FGF14: variants seen among roughly 807,000 people sequenced by gnomAD.
FGF14 encodes the protein fibroblast growth factor homologous factor 4.
In FGF14, 5 loss-of-function variants were observed where a neutral mutation model predicts 25.5. The observed-to-expected ratio is 0.20, with a 90% CI of 0.10 to 0.41. The LOEUF (loss-of-function observed/expected upper bound fraction) is 0.41, where lower values mean the gene tolerates loss of function less well. FGF14 is among the 10% of genes least tolerant of loss of function. FGF14 has a pLI of 1.00. For synonymous variants in FGF14, 138 were observed against 118.3 expected, an observed-to-expected ratio of 1.17 and a Z score of -1.08; for missense variants, 222 against 320.1, an observed-to-expected ratio of 0.69 and a Z score of 2.34.
intron 1 of FGF14, among the ~76,000 whole-genome samples, chr13:102,154,802 A>T (rs2047249528): frequency 6.6e-6 from 1 of 152,164 alleles, no homozygotes; most frequent in Non-Finnish European, 1.5e-5. Flanking sequence ...TAGGCTCAAA[A>T]TAAAGGGATG....
chr13:101,749,142 C>T (rs2037098564), intron 3 of FGF14, among the ~76,000 whole-genome samples: 2 of 151,920 alleles, frequency 1.3e-5, no homozygotes, highest in Admixed American at 1.3e-4. Context: ...ATTGCGGTTG[C>T]CGGTGGCTAG....
intron 1 of FGF14, among the ~76,000 whole-genome samples, chr13:101,904,480 T>TTATTGCTAAAAAATGGA (rs2031988941): frequency 6.6e-6 from 1 of 152,176 alleles, no homozygotes; most frequent in Non-Finnish European, 1.5e-5. Context: ...ATGACACCAG[T>TTATTGCTAAAAAATGGA]TATTGCTAAA....
intron 1 of FGF14, among the ~76,000 whole-genome samples, chr13:102,227,300 C>T (rs2050868176): frequency 6.6e-6 from 1 of 152,074 alleles, no homozygotes; most frequent in Non-Finnish European, 1.5e-5. Context: ...TATCCACCTG[C>T]CAAGGGAGAT....
chr13:102,200,945 A>G lies in FGF14; in HGVS notation c.208+200526T>C, dbSNP rs543992899. On this transcript the variant is annotated intron_variant, in intron 1 of 4. Transcript: ENST00000376131. ...GTGAAACCCCGTCTCTACTAAAAACACAAAAAATTAGCCAGGCGTGGTGGG... is the reference window on the plus strand; with the variant it reads ...GTGAAACCCCGTCTCTACTAAAAACGCAAAAAATTAGCCAGGCGTGGTGGG... 2.3e-3 allele frequency among the ~76,000 whole-genome samples: 343 copies of G among 151,928 alleles called. 1 individual carries two copies. Among genetic ancestry groups the G allele is most frequent in the Non-Finnish European group, 3.9e-3 (266 of 67,932 alleles).
intron 3 of FGF14, among the ~76,000 whole-genome samples, chr13:101,806,159 C>T (rs955722062): frequency 5.9e-5 from 9 of 151,868 alleles, no homozygotes; most frequent in African/African-American, 2.2e-4. Context: ...CAGTGGCTCA[C>T]TCCTGTAATC....
At chr13:101,801,956 C>A in intron 3 of FGF14, 1 of 473,396 alleles carries the variant, frequency 2.1e-6, no homozygotes, top group African/African-American at 2.0e-5. Flanking sequence ...CAGAGAAGAA[C>A]ATAAAAAGAA....
chr13:102,000,919 T>G (rs1421561668), intron 1 of FGF14, among the ~76,000 whole-genome samples: 1 of 152,176 alleles, frequency 6.6e-6, no homozygotes. Flanking sequence ...GTCATTTATT[T>G]ACTGAGGACA....
chr13:101,810,776 AT>A (rs1243147860), intron 3 of FGF14, among the ~76,000 whole-genome samples: 1 of 152,182 alleles, frequency 6.6e-6, no homozygotes. Context: ...TTTCCAAAAT[AT>A]TCTGCTTTTT....
At chr13:101,984,231 T>C (rs1345675513) in intron 1 of FGF14, among the ~76,000 whole-genome samples, 1 of 152,176 alleles carries the variant, frequency 6.6e-6, no homozygotes, top group Non-Finnish European at 1.5e-5. Context: ...ATTGGCATTG[T>C]GATGCTTTTT....
chr13:101,767,415 C>T (rs918040928), intron 3 of FGF14, among the ~76,000 whole-genome samples: 2 of 151,850 alleles, frequency 1.3e-5, no homozygotes, highest in Non-Finnish European at 1.5e-5. Flanking sequence ...TGAAAGCTAC[C>T]GATATAGAGC....
chr13:102,209,787 G>T (rs184207470), intron 1 of FGF14, among the ~76,000 whole-genome samples: 5 of 152,156 alleles, frequency 3.3e-5, no homozygotes, highest in Non-Finnish European at 7.4e-5. Context: ...ATAGATTAAG[G>T]GTTCCTAGCC....
chr13:102,176,957 C>T (rs1219913436), intron 1 of FGF14, among the ~76,000 whole-genome samples: 1 of 152,108 alleles, frequency 6.6e-6, no homozygotes, highest in Non-Finnish European at 1.5e-5. Context: ...TAGATCAGTG[C>T]TTACCATATG....
intron 1 of FGF14, among the ~76,000 whole-genome samples, chr13:102,321,516 A>G (rs189930102): frequency 6.6e-6 from 1 of 152,292 alleles, no homozygotes; most frequent in African/African-American, 2.4e-5. Flanking sequence ...TAAATTGCTA[A>G]TTATTGGAAA....
rs527911089 is a variant in FGF14, at chr13:102,028,597, C to T, written c.209-153301G>A. Among the ~76,000 whole-genome samples, 165 of 152,136 alleles carry T rather than the reference C, an allele frequency of 1.1e-3. 2 individuals carry two copies. Among genetic ancestry groups the T allele is most frequent in the African/African-American group, 3.7e-3 (154 of 41,544 alleles). The stretch of plus-strand genomic sequence containing the variant: ...TATCAGATGCTTACACTTCTATAGA[C>T]ATTTATTAAGTGCTTCTAGGCACTT... On this transcript the variant is annotated intron_variant, in intron 1 of 4. Transcript: ENST00000376131.
intron 3 of FGF14, among the ~76,000 whole-genome samples, chr13:101,841,818 C>T (rs2043210300): frequency 6.6e-6 from 1 of 151,856 alleles, no homozygotes; most frequent in African/African-American, 2.4e-5. Flanking sequence ...ATCTGTGTCC[C>T]TGAATTACAA....
intron 3 of FGF14, among the ~76,000 whole-genome samples, chr13:101,858,338 T>C (rs2044234833): frequency 6.6e-6 from 1 of 152,036 alleles, no homozygotes; most frequent in African/African-American, 2.4e-5. Flanking sequence ...ACAATTTTGC[T>C]TCAAATTTTA....
intron 1 of FGF14, among the ~76,000 whole-genome samples, chr13:102,276,972 G>A (rs761269079): frequency 6.6e-6 from 1 of 152,144 alleles, no homozygotes; most frequent in Non-Finnish European, 1.5e-5. Flanking sequence ...GAAGCTAAGG[G>A]TGCTTGCTAA....
At chr13:101,756,260 T>C (rs1477738042) in intron 3 of FGF14, among the ~76,000 whole-genome samples, 2 of 152,240 alleles carry the variant, frequency 1.3e-5, no homozygotes, top group African/African-American at 4.8e-5. Context: ...AACCTTTCTT[T>C]GTGTTTTAAT....
chr13:101,883,489 T>A (rs775712317), intron 1 of FGF14, among the ~76,000 whole-genome samples: 17 of 152,306 alleles, frequency 1.1e-4, no homozygotes, highest in Middle Eastern at 3.4e-3. Context: ...AGCGTTTTGT[T>A]AGGAGCTGAG....
Sources: gnomAD v4.1 joint callset for allele counts (sites outside exome capture counted in the v4.1 genomes callset) on GRCh38, gnomAD v4.1.1 for gene constraint, MANE v1.5 for transcripts, NCBI Gene and HGNC (gene_info 2026-07-23, HGNC 2026-07-21) for gene names.